The following DYRK1A variants were observed in gnomAD, a reference collection of about 807,000 sequenced individuals.
DYRK1A encodes the protein dual specificity tyrosine phosphorylation regulated kinase 1A.
A neutral mutation model predicts 79.7 loss-of-function variants in DYRK1A; 9 were observed. That is an observed-to-expected ratio of 0.11 (90% CI 0.07 to 0.20). DYRK1A has a LOEUF of 0.20. Ranked by LOEUF, DYRK1A falls within the 10% of genes least tolerant of loss-of-function variation. The pLI, the probability that DYRK1A is intolerant of heterozygous loss-of-function variation, is 1.00. For missense variants in DYRK1A, 622 were observed against 956.0 expected (o/e 0.65, Z 4.61); for synonymous variants, 349 against 329.7 (o/e 1.06, Z -0.63).
rs376538690 is a variant in DYRK1A at position 37,505,476 on chromosome 21, T to C, written c.1406T>C (p.Phe469Ser). The C allele has an allele frequency of 6.2e-7, 1 of 1,614,072 alleles. No homozygotes were observed. ...CCTTATTATGCTCTGCAGCACAGTT[T>C]CTTCAAGAAAACAGCTGATGAAGGT... Reference protein sequence around the residue: ...IQPYYALQHSFFKKTADEGTN... With the variant: ...IQPYYALQHSSFKKTADEGTN... Residue 469 changes from phenylalanine to serine, a missense_variant, in exon 10 of 12, where the codon TTC (phenylalanine) becomes TCC (serine). By Grantham distance (155) the Phe-to-Ser change is radical. Transcript: ENST00000647188.
chr21:37,395,693 A>C (rs2049948413), intron 1 of DYRK1A, among the ~76,000 whole-genome samples: 1 of 152,146 alleles, frequency 6.6e-6, no homozygotes, highest in South Asian at 2.1e-4. Context: ...CATCTTTGGA[A>C]ACCTTAGGAT....
rs1026728698 is a variant in DYRK1A, at chr21:37,522,656, C to T, written c.*10125C>T. On this transcript the variant is annotated 3_prime_UTR_variant, in exon 12 of 12. Transcript: ENST00000647188. ...TACAAAATTTTTATTTTGGCAAAAC[C>T]GTCCATGAATTTGGAGATGTTGAAC... 1 of 152,168 alleles carries T rather than the reference C, an allele frequency of 6.6e-6. No homozygotes were observed. Among genetic ancestry groups the T allele is most frequent in the Non-Finnish European group, 1.5e-5 (1 of 68,034 alleles). 9.4% of individuals were successfully genotyped at this position (152,168 alleles called of 1,614,324 possible).
chr21:37,379,554 T>C (rs780740256), intron 1 of DYRK1A, among the ~76,000 whole-genome samples: 16 of 152,194 alleles, frequency 1.1e-4, no homozygotes, highest in Non-Finnish European at 2.2e-4. Context: ...GAATTATTAT[T>C]GTAGTTCAGA....
chr21:37,506,671 T>G (rs757221107), intron 11 of DYRK1A, among the ~76,000 whole-genome samples: 2 of 152,220 alleles, frequency 1.3e-5, no homozygotes, highest in Non-Finnish European at 2.9e-5. Context: ...GCCTTTTTGT[T>G]GTTGTTTTGT....
intron 2 of DYRK1A, among the ~76,000 whole-genome samples, chr21:37,426,892 C>A (rs1394734711): frequency 7.4e-6 from 1 of 134,986 alleles, no homozygotes; most frequent in African/African-American, 2.8e-5. Context: ...TGGACTCCAG[C>A]TTGGGCTAAA....
At chr21:37,495,239 G>A (rs79892317) in intron 8 of DYRK1A, among the ~76,000 whole-genome samples, 1,710 of 150,062 alleles carry the variant, frequency 0.011, 36 homozygotes, top group East Asian at 0.083. Context: ...GTTGGGTGCC[G>A]TACCTCACGC....
intron 1 of DYRK1A, among the ~76,000 whole-genome samples, chr21:37,373,188 C>T (rs2049467961): frequency 6.6e-6 from 1 of 152,062 alleles, no homozygotes; most frequent in Non-Finnish European, 1.5e-5. Context: ...ATCCTGTATG[C>T]CAGATATAGA....
At chr21:37,475,838 G>A (rs1416563007) in intron 3 of DYRK1A, among the ~76,000 whole-genome samples, 3 of 152,182 alleles carry the variant, frequency 2.0e-5, no homozygotes, top group Admixed American at 6.5e-5. Context: ...TTTTTAGTGA[G>A]CATCATTACT....
rs1183029117 is a variant in DYRK1A at position 37,479,606 on chromosome 21, G to GTTTTTTTTTTTTT, written c.301-1027_301-1026insTTTTTTTTTTTTT. ...GTGTTGGTGTTTTGTTTTTGTTTTT[G>GTTTTTTTTTTTTT]TTTTTGTTTTTTGTTTTTTTTTTTT... On this transcript the variant is annotated intron_variant, in intron 4 of 11. Coordinates refer to ENST00000647188, the MANE Select transcript of DYRK1A (RefSeq NM_001347721.2). 5.0e-3 allele frequency among the ~76,000 whole-genome samples: 137 copies of GTTTTTTTTTTTTT among 27,588 alleles called. 22 individuals carry two copies. The highest frequency in any genetic ancestry group is 0.03 in the East Asian group (26 of 880). The allele number at this position is 27,588 out of a possible 152,430, so 18.1% of individuals were successfully genotyped here.
chr21:37,407,135 T>A (rs1287940733), intron 1 of DYRK1A, among the ~76,000 whole-genome samples: 27 of 152,148 alleles, frequency 1.8e-4, no homozygotes, highest in Admixed American at 1.8e-3. Context: ...TGGGTATCCC[T>A]AATTCGAAGT....
At chr21:37,420,904 T>G (rs1217602442) in intron 2 of DYRK1A, among the ~76,000 whole-genome samples, 1 of 152,116 alleles carries the variant, frequency 6.6e-6, no homozygotes, top group East Asian at 1.9e-4. Context: ...CCTCCCCCTC[T>G]TATCCTTTTG....
intron 6 of DYRK1A, chr21:37,487,605 G>T (rs541094305): frequency 1.3e-5 from 2 of 152,184 alleles, no homozygotes; most frequent in South Asian, 4.1e-4. Flanking sequence ...TTTGATACAC[G>T]TAAGGCTGAG....
At chr21:37,405,339 C>T (rs1435465496) in intron 1 of DYRK1A, among the ~76,000 whole-genome samples, 1 of 152,180 alleles carries the variant, frequency 6.6e-6, no homozygotes, top group Non-Finnish European at 1.5e-5. Flanking sequence ...TCTGCCTAGT[C>T]TCCTGCATCC....
rs1176867827 is a variant in DYRK1A, at chr21:37,515,277, A to G, written c.*2746A>G. 1 of 152,672 alleles carries G rather than the reference A, an allele frequency of 6.5e-6. No homozygotes were observed. The highest frequency in any genetic ancestry group is 2.4e-5 in the African/African-American group (1 of 41,452). 9.5% of individuals were successfully genotyped at this position (152,672 alleles called of 1,614,324 possible). On this transcript the variant is annotated 3_prime_UTR_variant, in exon 12 of 12. Coordinates refer to ENST00000647188, the MANE Select transcript of DYRK1A (RefSeq NM_001347721.2). The stretch of plus-strand genomic sequence containing the variant: ...AAACTGGTCCAGGTCTGGTAGGTAT[A>G]GTATCAAAGTTGAGTTAAATGTGTA...
rs190382310 is a variant in DYRK1A at position 37,383,037 on chromosome 21, C to G, written c.-77+15409C>G. 2.0e-4 allele frequency among the ~76,000 whole-genome samples: 30 copies of G among 152,184 alleles called. No homozygotes were observed. The East Asian group carries it at 5.4e-3, about 27-fold the overall frequency. On this transcript the variant is annotated intron_variant, in intron 1 of 11. Transcript: ENST00000647188. Reference sequence around the variant, plus strand: ...GTCTTTGTGAGAGGGAGAGCGATCTCCACCATTAAGAAAGCTAATTGTTCA... The same window carrying G: ...GTCTTTGTGAGAGGGAGAGCGATCTGCACCATTAAGAAAGCTAATTGTTCA...
At chr21:37,469,736 G>A (rs1038377487) in intron 2 of DYRK1A, among the ~76,000 whole-genome samples, 1 of 152,122 alleles carries the variant, frequency 6.6e-6, no homozygotes. Flanking sequence ...GCACTAGGGG[G>A]GATGGTGCTA....
In DYRK1A at chr21:37,379,046, G is replaced by C. The variant is rs542315028; in HGVS notation, c.-77+11418G>C. On this transcript the variant is annotated intron_variant, in intron 1 of 11. Coordinates refer to ENST00000647188, the MANE Select transcript of DYRK1A (RefSeq NM_001347721.2). The stretch of plus-strand genomic sequence containing the variant: ...AGAATGACAGAGTCATATCCCTGGA[G>C]CATCAGATGAGGGAGAGAGGGAGGG... Among the ~76,000 whole-genome samples, 19 of 152,282 alleles carry C rather than the reference G, an allele frequency of 1.2e-4. No homozygotes were observed. In the Middle Eastern group the frequency reaches 0.01, roughly 82 times the overall value.
chr21:37,473,048 T>A lies in DYRK1A; in HGVS notation c.207+168T>A, dbSNP rs73903997. Among the ~76,000 whole-genome samples the A allele has an allele frequency of 0.038, 5,717 of 152,254 alleles. 353 individuals carry two copies. Among genetic ancestry groups the A allele is most frequent in the African/African-American group, 0.13 (5,369 of 41,518 alleles). ...AAGTTTGCATTAAATTTTTTTTTTTTAATTTTTACTTGTATTTCACTTAAA... is the reference window on the plus strand; with the variant it reads ...AAGTTTGCATTAAATTTTTTTTTTTAAATTTTTACTTGTATTTCACTTAAA... On this transcript the variant is annotated intron_variant, in intron 3 of 11. Coordinates refer to ENST00000647188, the MANE Select transcript of DYRK1A (RefSeq NM_001347721.2).
At chr21:37,506,380 A>G (rs971770917) in intron 11 of DYRK1A, 157 bp downstream of exon 11, 1 of 1,535,088 alleles carries the variant, frequency 6.5e-7, no homozygotes, top group South Asian at 1.2e-5. Flanking sequence ...AGAGAAGCAC[A>G]TTCTTGCAGT....
Sources: allele counts gnomAD v4.1 joint callset (sites outside exome capture counted in the v4.1 genomes callset), GRCh38; gene constraint gnomAD v4.1.1; transcripts MANE v1.5; gene names NCBI Gene and HGNC (gene_info 2026-07-23, HGNC 2026-07-21).